Variants in PCDH15 observed in about 807,000 individuals in gnomAD.
PCDH15 encodes protocadherin related 15.
In PCDH15, 129 loss-of-function variants were observed where a neutral mutation model predicts 178.5. The observed-to-expected ratio is 0.72, with a 90% CI of 0.63 to 0.84. The LOEUF (loss-of-function observed/expected upper bound fraction) is 0.84, where lower values mean the gene tolerates loss of function less well. Ranked by LOEUF, PCDH15 falls within the 40% of genes least tolerant of loss-of-function variation. The pLI is 0.00. For synonymous variants in PCDH15, 800 were observed against 732.0 expected (o/e 1.09, Z -1.50); for missense variants, 2,230 against 2,099.9 (o/e 1.06, Z -1.21).
chr10:54,338,709 T>A (rs1014481933), intron 6 of PCDH15, among the ~76,000 whole-genome samples: 1 of 149,606 alleles, frequency 6.7e-6, no homozygotes, highest in Non-Finnish European at 1.5e-5. Flanking sequence ...AGTGTCTTCA[T>A]TTTTTTTTTC....
At chr10:54,520,885 T>G (rs1227890494) in intron 3 of PCDH15, among the ~76,000 whole-genome samples, 2 of 151,510 alleles carry the variant, frequency 1.3e-5, no homozygotes, top group Non-Finnish European at 2.9e-5. Context: ...TATGCAGCCA[T>G]AAAAAATGAT....
chr10:54,987,610 G>A lies in PCDH15; in HGVS notation c.-79-90110C>T, dbSNP rs76350129. Reference sequence around the variant, plus strand: ...GTGGTTTTATTTCCATTTCTCTAATGATCAGTGATGTTGAGCTTTTTTTCA... The same window carrying A: ...GTGGTTTTATTTCCATTTCTCTAATAATCAGTGATGTTGAGCTTTTTTTCA... On this transcript the variant is annotated intron_variant, in intron 2 of 5. Transcript: ENST00000458638. Among the ~76,000 whole-genome samples the A allele has an allele frequency of 2.6e-5, 4 of 151,988 alleles. No individual in the cohort carries two copies. The South Asian group carries it at 6.2e-4, about 24-fold the overall frequency.
chr10:54,356,344 G>A (rs977534491), intron 5 of PCDH15, among the ~76,000 whole-genome samples: 4 of 151,934 alleles, frequency 2.6e-5, no homozygotes, highest in African/African-American at 9.7e-5. Flanking sequence ...AGTCAAGGAA[G>A]TATTGTGGAA....
intron 3 of PCDH15, among the ~76,000 whole-genome samples, chr10:54,424,653 T>C (rs1296534970): frequency 6.6e-6 from 1 of 152,022 alleles, no homozygotes; most frequent in Non-Finnish European, 1.5e-5. Context: ...CTGTGGCATA[T>C]ATACACCATG....
intron 6 of PCDH15, among the ~76,000 whole-genome samples, chr10:54,340,970 C>G (rs1241653168): frequency 1.3e-5 from 2 of 152,172 alleles, no homozygotes. Context: ...CTTCAGCCCT[C>G]TTGCCCAACT....
chr10:54,450,923 A>G (rs2076442426), intron 3 of PCDH15, among the ~76,000 whole-genome samples: 1 of 151,918 alleles, frequency 6.6e-6, no homozygotes. Flanking sequence ...ACTGATAAAG[A>G]TTAGCAATTT....
intron 23 of PCDH15, among the ~76,000 whole-genome samples, chr10:53,951,204 T>A (rs2086999286): frequency 6.6e-6 from 1 of 152,208 alleles, no homozygotes; most frequent in Non-Finnish European, 1.5e-5. Context: ...AGATATGCAA[T>A]TGTAAATAGA....
intron 18 of PCDH15, among the ~76,000 whole-genome samples, chr10:54,040,048 G>C (rs1434289488): frequency 6.6e-6 from 1 of 151,926 alleles, no homozygotes; most frequent in Non-Finnish European, 1.5e-5. Context: ...TTGTTATTTA[G>C]TCATGCAAAT....
At chr10:55,413,260 G>T (rs751975217) in intron 2 of PCDH15, among the ~76,000 whole-genome samples, 9 of 150,938 alleles carry the variant, frequency 6.0e-5, no homozygotes, top group Non-Finnish European at 1.2e-4. Context: ...AGCACTTATT[G>T]TTTGTTCCAC....
chr10:54,437,725 G>C (rs2075517390), intron 3 of PCDH15, among the ~76,000 whole-genome samples: 1 of 152,090 alleles, frequency 6.6e-6, no homozygotes, highest in Admixed American at 6.5e-5. Context: ...TGGGGAAGTA[G>C]GTTTCTGCAG....
chr10:54,410,151 A>C (rs10430538), intron 3 of PCDH15, among the ~76,000 whole-genome samples: 120,001 of 151,436 alleles, frequency 0.79, 48,300 homozygotes, highest in East Asian at 0.97. Flanking sequence ...TCAGGAAAAC[A>C]GGGCTGGGTT....
At chr10:55,490,691 G>A (rs1461863429) in intron 2 of PCDH15, among the ~76,000 whole-genome samples, 1 of 151,688 alleles carries the variant, frequency 6.6e-6, no homozygotes, top group East Asian at 2.0e-4. Flanking sequence ...TAATTCTATT[G>A]TCTAGGCAGG....
chr10:54,201,816 G>C (rs867419632), intron 10 of PCDH15, among the ~76,000 whole-genome samples: 5 of 152,238 alleles, frequency 3.3e-5, no homozygotes, highest in Middle Eastern at 3.4e-3. Context: ...GAACACCTTA[G>C]ATTATAGAAT....
chr10:54,105,042 C>T (rs2136192595), intron 15 of PCDH15, among the ~76,000 whole-genome samples: 1 of 151,092 alleles, frequency 6.6e-6, no homozygotes, highest in Admixed American at 6.6e-5. Flanking sequence ...CTAAATAATT[C>T]AGAGCAAGGA....
In PCDH15 at chr10:55,514,000, T is replaced by C. The variant is rs1259667562; in HGVS notation, c.-156+113625A>G. Among the ~76,000 whole-genome samples, 4 of 152,190 alleles carry C rather than the reference T, an allele frequency of 2.6e-5. No homozygotes were observed. In the East Asian group the frequency reaches 7.8e-4, roughly 30 times the overall value. ...GTAGACTAGAGATCCATGGGGCTGG[T>C]TGGCATCTTTTTGAGGAGTCTTCAA... On this transcript the variant is annotated intron_variant, in intron 2 of 5. Coordinates refer to the PCDH15 transcript ENST00000613346.
Position 54,825,252 on chromosome 10 carries a change from G to T in PCDH15, c.-29+72198C>A, listed in dbSNP as rs370043491. On this transcript the variant is annotated intron_variant, in intron 3 of 5. Transcript: ENST00000458638. Reference sequence around the variant, plus strand: ...TATTCCATGGTGTATATGTGCCACAGTTTCTTAATCCAGTCTATCATTGTT... The same window carrying T: ...TATTCCATGGTGTATATGTGCCACATTTTCTTAATCCAGTCTATCATTGTT... Among the ~76,000 whole-genome samples, 87 of 151,234 alleles carry T rather than the reference G, an allele frequency of 5.8e-4. No homozygotes were observed. The East Asian group carries it at 5.9e-3, about 10-fold the overall frequency.
chr10:55,485,388 C>A (rs1450296935), intron 2 of PCDH15, among the ~76,000 whole-genome samples: 1 of 151,720 alleles, frequency 6.6e-6, no homozygotes, highest in East Asian at 2.0e-4. Flanking sequence ...ACAATTGCAA[C>A]CTCAGGCATA....
chr10:55,396,516 C>T (rs1402322435), intron 2 of PCDH15, among the ~76,000 whole-genome samples: 3 of 152,098 alleles, frequency 2.0e-5, no homozygotes, highest in Non-Finnish European at 2.9e-5. Context: ...GGCTGTCATC[C>T]TCAGAGTCGC....
chr10:54,029,437 T>G (rs1175643580), intron 18 of PCDH15, among the ~76,000 whole-genome samples: 1 of 152,180 alleles, frequency 6.6e-6, no homozygotes, highest in Non-Finnish European at 1.5e-5. Flanking sequence ...TAACACATTT[T>G]TGTAATATAC....
Sources: gnomAD v4.1 joint callset for allele counts (sites outside exome capture counted in the v4.1 genomes callset) on GRCh38, gnomAD v4.1.1 for gene constraint, MANE v1.5 for transcripts, NCBI Gene and HGNC (gene_info 2026-07-23, HGNC 2026-07-21) for gene names.